MRPS35: variants seen among roughly 807,000 people sequenced by gnomAD.
MRPS35 encodes mitochondrial ribosomal protein S35.
Under a neutral mutation model 32.7 loss-of-function variants are expected in MRPS35, and 29 were observed. The ratio of observed to expected loss-of-function variants is 0.89; its 90% confidence interval spans 0.66 to 1.21. The LOEUF (loss-of-function observed/expected upper bound fraction) is 1.21, where lower values mean the gene tolerates loss of function less well. Ranked by LOEUF, MRPS35 falls within the 50% of genes most tolerant of loss-of-function variation. MRPS35 has a pLI of 0.00. For synonymous variants in MRPS35, 148 were observed against 139.3 expected, an observed-to-expected ratio of 1.06 and a Z score of -0.44; for missense variants, 373 against 383.8, an observed-to-expected ratio of 0.97 and a Z score of 0.23.
At chr12:27,720,213 G>A (rs2061867777) in intron 4 of MRPS35, among the ~76,000 whole-genome samples, 1 of 152,002 alleles carries the variant, frequency 6.6e-6, no homozygotes, top group African/African-American at 2.4e-5. Flanking sequence ...CCAACATAGT[G>A]AAACCCTGTC....
chr12:27,718,818 G>A (rs974994599), intron 3 of MRPS35, among the ~76,000 whole-genome samples: 3 of 152,200 alleles, frequency 2.0e-5, no homozygotes, highest in Non-Finnish European at 4.4e-5. Context: ...CGGGCACAGC[G>A]GCTCACACCT....
Position 27,716,365 on chromosome 12 carries a change from T to C in MRPS35, c.228T>C (p.Phe76=), listed in dbSNP as rs755044477. 6.8e-6 allele frequency: 11 copies of C among 1,614,088 alleles called. No homozygotes were observed. In the African/African-American group the frequency reaches 1.5e-4, roughly 22 times the overall value. ...GTGTTTACCCAGTTGCAGCACCATT[T>C]AAACCCTCTGCAGTACCTCTTCCTG... is the stretch of plus-strand genomic sequence containing the variant. ...WPSVYPVAAP[F]KPSAVPLPVR... is the part of the protein sequence containing the mutation. The change falls in exon 3 of 8, where the codon TTT becomes TTC. Residue 76 remains phenylalanine (F), a synonymous_variant. Transcript: ENST00000081029.
intron 1 of MRPS35, among the ~76,000 whole-genome samples, chr12:27,711,286 G>C (rs1178035453): frequency 1.3e-5 from 2 of 152,222 alleles, no homozygotes; most frequent in Non-Finnish European, 2.9e-5. Flanking sequence ...GGGCATCGGC[G>C]CTGTTGAACC....
At chr12:27,745,456 A>T (rs1257230179) in intron 7 of MRPS35, among the ~76,000 whole-genome samples, 1 of 152,144 alleles carries the variant, frequency 6.6e-6, no homozygotes, top group Non-Finnish European at 1.5e-5. Flanking sequence ...ATCAAATCTG[A>T]CTTTAACTGC....
At chr12:27,721,344 T>C (rs7980789) in intron 4 of MRPS35, among the ~76,000 whole-genome samples, 112,425 of 152,100 alleles carry the variant, frequency 0.74, 42,204 homozygotes, top group African/African-American at 0.86. Flanking sequence ...TGGAATTAGA[T>C]TAAAACTGAT....
chr12:27,748,138 T>C (rs2140782207), intron 7 of MRPS35, among the ~76,000 whole-genome samples: 1 of 152,340 alleles, frequency 6.6e-6, no homozygotes, highest in African/African-American at 2.4e-5. Context: ...ATTCATTTCC[T>C]CGATTGTGTT....
At chr12:27,723,147 C>A (rs1259417659) in intron 4 of MRPS35, among the ~76,000 whole-genome samples, 1 of 152,174 alleles carries the variant, frequency 6.6e-6, no homozygotes, top group African/African-American at 2.4e-5. Flanking sequence ...TTGTGGACAG[C>A]CTTATAGTGC....
chr12:27,721,777 A>T (rs889522820), intron 4 of MRPS35, among the ~76,000 whole-genome samples: 1 of 152,196 alleles, frequency 6.6e-6, no homozygotes, highest in African/African-American at 2.4e-5. Flanking sequence ...GAAAAATTCC[A>T]TGTTTCTTCT....
intron 5 of MRPS35, among the ~76,000 whole-genome samples, chr12:27,729,617 A>G (rs1053686589): frequency 5.3e-5 from 8 of 152,144 alleles, no homozygotes; most frequent in Non-Finnish European, 1.2e-4. Context: ...AGCATTTATG[A>G]AATTACCTCC....
At chr12:27,751,806 G>T (rs1276418399) in intron 7 of MRPS35, among the ~76,000 whole-genome samples, 1 of 152,248 alleles carries the variant, frequency 6.6e-6, no homozygotes, top group Non-Finnish European at 1.5e-5. Flanking sequence ...GTGGCTCAGA[G>T]CCAAGGATGT....
intron 7 of MRPS35, 106 bp downstream of exon 7, chr12:27,737,714 G>C (rs1333274839): frequency 2.3e-6 from 2 of 854,088 alleles, no homozygotes; most frequent in Non-Finnish European, 3.8e-6. Flanking sequence ...TTTGTGAACT[G>C]CTGAATAATC....
intron 7 of MRPS35, among the ~76,000 whole-genome samples, chr12:27,754,640 G>A (rs1046477758): frequency 5.9e-5 from 9 of 151,818 alleles, no homozygotes; most frequent in African/African-American, 1.9e-4. Context: ...GGTGGTGGGC[G>A]CCTGTAGTCC....
intron 7 of MRPS35, among the ~76,000 whole-genome samples, chr12:27,745,705 G>A (rs2061979940): frequency 6.6e-6 from 1 of 152,028 alleles, no homozygotes; most frequent in Non-Finnish European, 1.5e-5. Context: ...ATCTCCTAAT[G>A]CTATCCCTTC....
chr12:27,722,423 C>A (rs1389649860), intron 4 of MRPS35, among the ~76,000 whole-genome samples: 1 of 152,076 alleles, frequency 6.6e-6, no homozygotes, highest in Non-Finnish European at 1.5e-5. Flanking sequence ...TATGTGTTTT[C>A]CATTTGGCTG....
chr12:27,754,883 A>T (rs764448383), intron 7 of MRPS35, among the ~76,000 whole-genome samples: 4 of 152,140 alleles, frequency 2.6e-5, no homozygotes, highest in Non-Finnish European at 5.9e-5. Flanking sequence ...ACAGATTGTA[A>T]GGCAGACAGA....
intron 5 of MRPS35, among the ~76,000 whole-genome samples, chr12:27,730,195 A>G (rs891831927): frequency 1.3e-5 from 2 of 152,152 alleles, no homozygotes; most frequent in Non-Finnish European, 2.9e-5. Context: ...GTTTTTTTCT[A>G]ATACCCTTTT....
chr12:27,735,470 AG>A lies in MRPS35; in HGVS notation c.547del (p.Asp183MetfsTer8). 6.2e-7 allele frequency: 1 copy of A among 1,609,598 alleles called. No homozygotes were observed. The highest frequency in any genetic ancestry group is 8.5e-7 in the Non-Finnish European group (1 of 1,178,152). Reference protein sequence around the residue: ...LRVKLSSLNLDDHAKKKLIKL... With the variant: ...LRVKLSSLNLXDHAKKKLIKL... ...AGGTAAAGCTTTCCAGTTTGAATTTAGATGATCACGCAAAGAAGAAATTAAT... is the reference window on the plus strand; with the variant it reads ...AGGTAAAGCTTTCCAGTTTGAATTTAATGATCACGCAAAGAAGAAATTAAT... On this transcript the variant is annotated frameshift_variant, in exon 6 of 8. Transcript: ENST00000081029. LOFTEE classifies it high-confidence loss of function.
At chr12:27,716,576 AAT>A in intron 3 of MRPS35, 118 bp downstream of exon 3, 1 of 917,474 alleles carries the variant, frequency 1.1e-6, no homozygotes, top group Non-Finnish European at 1.6e-6. Context: ...AGTGTATTTT[AAT>A]TTAAATGTTA....
chr12:27,753,328 G>T (rs75518247), intron 7 of MRPS35, among the ~76,000 whole-genome samples: 1 of 152,174 alleles, frequency 6.6e-6, no homozygotes, highest in Admixed American at 6.5e-5. Context: ...TTTCGCCTCG[G>T]TGATCTGAGC....
Sources: gnomAD v4.1 joint callset for allele counts (sites outside exome capture counted in the v4.1 genomes callset) on GRCh38, gnomAD v4.1.1 for gene constraint, MANE v1.5 for transcripts, NCBI Gene and HGNC (gene_info 2026-07-23, HGNC 2026-07-21) for gene names.